AUTS2: variants seen among roughly 807,000 people sequenced by gnomAD.
The protein encoded by AUTS2 is activator of transcription and developmental regulator AUTS2.
AUTS2 carries 17 observed loss-of-function variants against 112.4 expected under a neutral mutation model. The ratio of observed to expected loss-of-function variants is 0.15; its 90% confidence interval spans 0.10 to 0.23. The LOEUF (loss-of-function observed/expected upper bound fraction) is 0.23. Among genes scored for constraint, AUTS2 ranks in the 10% least tolerant of loss-of-function variants. AUTS2 has a pLI of 1.00. For synonymous variants in AUTS2, 751 were observed against 702.7 expected (o/e 1.07, Z -1.09); for missense variants, 1,510 against 1,701.6 (o/e 0.89, Z 1.98).
rs57525224 is a variant in AUTS2 at position 70,739,003 on chromosome 7, C to CTTTTTTTTTT, written c.743-23842_743-23833dup. Among the ~76,000 whole-genome samples, 312 of 57,280 alleles carry CTTTTTTTTTT rather than the reference C, an allele frequency of 5.4e-3. 49 individuals carry two copies. Among genetic ancestry groups the CTTTTTTTTTT allele is most frequent in the Non-Finnish European group, 8.1e-3 (256 of 31,690 alleles). The allele number at this position is 57,280 out of a possible 152,430, so 37.6% of individuals were successfully genotyped here. A position where few individuals can be genotyped will look rare whatever the true frequency, so the allele number is the denominator to read the frequency against. ...GGTGATGTCCACGAGGTTTTGAGGC[C>CTTTTTTTTTT]TTTTTTTTTTTTTTTTTTTTTTTTT... On this transcript the variant is annotated intron_variant, in intron 6 of 18. Coordinates refer to ENST00000342771, the MANE Select transcript of AUTS2 (RefSeq NM_015570.4).
intron 1 of AUTS2, among the ~76,000 whole-genome samples, chr7:69,829,953 A>G (rs1791424165): frequency 1.3e-5 from 2 of 152,214 alleles, no homozygotes; most frequent in African/African-American, 4.8e-5. Flanking sequence ...TTATTGCAAC[A>G]CTATTCACGA....
At chr7:70,338,414 C>CT (rs1158264592) in intron 4 of AUTS2, among the ~76,000 whole-genome samples, 1 of 152,178 alleles carries the variant, frequency 6.6e-6, no homozygotes, top group Admixed American at 6.5e-5. Context: ...TTACAGATAG[C>CT]ATAGACTGTC....
At chr7:69,628,515 G>C (rs191313127) in intron 1 of AUTS2, among the ~76,000 whole-genome samples, 24 of 152,200 alleles carry the variant, frequency 1.6e-4, no homozygotes, top group African/African-American at 5.5e-4. Context: ...CTGCTAAAAA[G>C]AAATTCCTGA....
At chr7:69,875,419 T>C (rs1039062242) in intron 1 of AUTS2, among the ~76,000 whole-genome samples, 1 of 152,216 alleles carries the variant, frequency 6.6e-6, no homozygotes, top group Non-Finnish European at 1.5e-5. Context: ...CTGAGCCAGA[T>C]TGCAAATTTA....
At chr7:70,767,192 C>G (rs1326884972) in intron 9 of AUTS2, among the ~76,000 whole-genome samples, 1 of 152,118 alleles carries the variant, frequency 6.6e-6, no homozygotes, top group Non-Finnish European at 1.5e-5. Context: ...GAATAAATTG[C>G]ATGATTTTAA....
chr7:69,882,825 G>T (rs1009307901), intron 1 of AUTS2, among the ~76,000 whole-genome samples: 5 of 152,232 alleles, frequency 3.3e-5, no homozygotes, highest in Non-Finnish European at 7.4e-5. Flanking sequence ...CAATCTTGAG[G>T]ATATATGGAG....
At position 70,586,247 on chromosome 7, in the gene AUTS2, C is replaced by T. The variant is rs112611728; in HGVS notation, c.691-112322C>T. Among the ~76,000 whole-genome samples, 1,274 of 152,170 alleles carry T rather than the reference C, an allele frequency of 8.4e-3. 21 individuals carry two copies. The highest frequency in any genetic ancestry group is 0.029 in the African/African-American group (1,219 of 41,498). On this transcript the variant is annotated intron_variant, in intron 5 of 18. Transcript: ENST00000342771. The stretch of plus-strand genomic sequence containing the variant: ...TATAGCAAAAGTATAAATGCCATAC[C>T]GTGCATGATAAATATCAAATTGGTG...
chr7:70,027,485 G>T (rs1800573895), intron 2 of AUTS2, among the ~76,000 whole-genome samples: 1 of 152,162 alleles, frequency 6.6e-6, no homozygotes, highest in Non-Finnish European at 1.5e-5. Context: ...TTCTCAAAGT[G>T]TGGTCCCCAG....
intron 1 of AUTS2, among the ~76,000 whole-genome samples, chr7:69,876,897 A>T (rs1160234736): frequency 6.6e-6 from 1 of 151,998 alleles, no homozygotes; most frequent in Non-Finnish European, 1.5e-5. Flanking sequence ...AGATAGGCAA[A>T]TCTCTGATGT....
intron 2 of AUTS2, among the ~76,000 whole-genome samples, chr7:70,008,663 A>G (rs1353093073): frequency 1.3e-5 from 2 of 152,328 alleles, no homozygotes; most frequent in East Asian, 3.9e-4. Context: ...GACCGCATGT[A>G]GGCTTAAATG....
chr7:69,993,992 T>C (rs1326985889), intron 2 of AUTS2, among the ~76,000 whole-genome samples: 1 of 152,124 alleles, frequency 6.6e-6, no homozygotes, highest in African/African-American at 2.4e-5. Flanking sequence ...CTGGCTGCTT[T>C]GGGCCCCAAG....
chr7:70,340,538 A>G (rs1465780743), intron 4 of AUTS2, among the ~76,000 whole-genome samples: 1 of 152,098 alleles, frequency 6.6e-6, no homozygotes, highest in African/African-American at 2.4e-5. Context: ...AATACACTGG[A>G]TGGAACATAC....
chr7:70,186,835 C>T (rs141882933), intron 4 of AUTS2, among the ~76,000 whole-genome samples: 1 of 152,282 alleles, frequency 6.6e-6, no homozygotes, highest in African/African-American at 2.4e-5. Flanking sequence ...TCCCAAAGTG[C>T]TGGCATTATA....
intron 4 of AUTS2, among the ~76,000 whole-genome samples, chr7:70,416,879 C>A (rs1585120687): frequency 6.6e-6 from 1 of 152,166 alleles, no homozygotes; most frequent in Non-Finnish European, 1.5e-5. Flanking sequence ...GTACAGCAGC[C>A]CACTAAAGCT....
At chr7:69,670,626 C>T (rs1056184835) in intron 1 of AUTS2, among the ~76,000 whole-genome samples, 2 of 146,316 alleles carry the variant, frequency 1.4e-5, no homozygotes, top group Non-Finnish European at 3.0e-5. Flanking sequence ...TGTGTAATCC[C>T]AGCACTTTGA....
intron 4 of AUTS2, among the ~76,000 whole-genome samples, chr7:70,320,344 A>G (rs1417164497): frequency 6.6e-6 from 1 of 152,222 alleles, no homozygotes; most frequent in East Asian, 1.9e-4. Context: ...GGGTATGACT[A>G]CGCAAGCCAC....
chr7:70,757,424 T>G (rs746560977), intron 6 of AUTS2, among the ~76,000 whole-genome samples: 1 of 152,194 alleles, frequency 6.6e-6, no homozygotes, highest in Non-Finnish European at 1.5e-5. Context: ...TTTTTCCTCT[T>G]TCTTTTGTTG....
intron 1 of AUTS2, among the ~76,000 whole-genome samples, chr7:69,889,013 C>G (rs890426801): frequency 6.6e-6 from 1 of 152,180 alleles, no homozygotes; most frequent in Non-Finnish European, 1.5e-5. Flanking sequence ...CATGGCCCAA[C>G]AGCTTCAGAA....
At chr7:70,705,455 A>T (rs1019969031) in intron 6 of AUTS2, among the ~76,000 whole-genome samples, 2 of 152,182 alleles carry the variant, frequency 1.3e-5, no homozygotes, top group Non-Finnish European at 2.9e-5. Flanking sequence ...CTGAACTTTT[A>T]CTCAGCTGTC....
Sources: allele counts gnomAD v4.1 joint callset (sites outside exome capture counted in the v4.1 genomes callset), GRCh38; gene constraint gnomAD v4.1.1; transcripts MANE v1.5; gene names NCBI Gene and HGNC (gene_info 2026-07-23, HGNC 2026-07-21).